The following CNR2 variants were observed in gnomAD, a reference collection of about 807,000 sequenced individuals.
CNR2 encodes cannabinoid receptor 2.
For synonymous variants in CNR2, 172 were observed against 182.2 expected, an observed-to-expected ratio of 0.94 and a Z score of 0.45; for missense variants, 379 against 439.9, an observed-to-expected ratio of 0.86 and a Z score of 1.24.
intron 1 of CNR2, among the ~76,000 whole-genome samples, chr1:23,899,070 G>A (rs1640337996): frequency 6.6e-6 from 1 of 152,136 alleles, no homozygotes; most frequent in African/African-American, 2.4e-5. Flanking sequence ...TGCTAAAAGA[G>A]TAGATTTTAA....
At chr1:23,912,236 AG>A (rs1394148116) in intron 1 of CNR2, among the ~76,000 whole-genome samples, 1 of 152,232 alleles carries the variant, frequency 6.6e-6, no homozygotes, top group African/African-American at 2.4e-5. Flanking sequence ...CGCTGACCCC[AG>A]GGCACACTGG....
intron 1 of CNR2, among the ~76,000 whole-genome samples, chr1:23,881,565 C>T (rs966458594): frequency 2.7e-5 from 4 of 149,644 alleles, no homozygotes. Context: ...GCCTGGGCAA[C>T]AGAGTGAAAC....
chr1:23,891,635 A>AAG lies in CNR2; in HGVS notation c.-45-15974_-45-15973insCT, dbSNP rs1553141355. The stretch of plus-strand genomic sequence containing the variant: ...ACTCCATCTCAAAAAAAAAAAAAAA[A>AAG]AAAGCCCAAATCTTACCTCTTTTTA... On this transcript the variant is annotated intron_variant, in intron 1 of 1. Transcript: ENST00000374472. 1.6e-4 allele frequency among the ~76,000 whole-genome samples: 21 copies of AAG among 130,988 alleles called. 3 individuals are homozygous for AAG. Among genetic ancestry groups the AAG allele is most frequent in the Non-Finnish European group, 1.7e-4 (11 of 63,454 alleles). The allele number at this position is 130,988 out of a possible 152,430, so 85.9% of individuals were successfully genotyped here. A position where few individuals can be genotyped will look rare whatever the true frequency, so the allele number is the denominator to read the frequency against.
At chr1:23,902,148 C>T (rs1557533745) in intron 1 of CNR2, 1 of 1,416,930 alleles carries the variant, frequency 7.1e-7, no homozygotes, top group East Asian at 2.3e-5. Context: ...CTGGCAGCCC[C>T]TGCCTCTTGC....
chr1:23,908,589 G>A (rs6665256), intron 1 of CNR2, among the ~76,000 whole-genome samples: 7,509 of 152,256 alleles, frequency 0.049, 601 homozygotes, highest in African/African-American at 0.17. Flanking sequence ...CTGGTAGAAA[G>A]TAGTGGGAAG....
chr1:23,894,445 AAAGG>A (rs140482048), intron 1 of CNR2, among the ~76,000 whole-genome samples: 10 of 81,474 alleles, frequency 1.2e-4, no homozygotes, highest in African/African-American at 2.0e-4. Flanking sequence ...TTTTTTAATA[AAAGG>A]AAGGAAGGAA....
chr1:23,894,436 T>G (rs2148465987), intron 1 of CNR2, among the ~76,000 whole-genome samples: 1 of 75,830 alleles, frequency 1.3e-5, no homozygotes, highest in Non-Finnish European at 2.7e-5. Flanking sequence ...AAAAAAAATT[T>G]TTTTAATAAA....
Position 23,876,993 on chromosome 1 carries a change from T to C in CNR2, c.-45-1331A>G, listed in dbSNP as rs540823074. 1.2e-3 allele frequency among the ~76,000 whole-genome samples: 183 copies of C among 152,310 alleles called. 2 individuals are homozygous for C. The highest frequency in any genetic ancestry group is 3.9e-3 in the African/African-American group (161 of 41,576). On this transcript the variant is annotated intron_variant, in intron 1 of 1. Transcript: ENST00000374472. ...TAAACATTTATTTGGAGCGATTCACTTTCTAAACAGGTTGTATAGGAATAC... is the reference window on the plus strand; with the variant it reads ...TAAACATTTATTTGGAGCGATTCACCTTCTAAACAGGTTGTATAGGAATAC...
intron 1 of CNR2, among the ~76,000 whole-genome samples, chr1:23,880,678 G>T (rs1442089154): frequency 4.0e-5 from 6 of 151,788 alleles, no homozygotes; most frequent in Admixed American, 3.3e-4. Flanking sequence ...TGATTCTCCT[G>T]CTTCAGCTTC....
intron 1 of CNR2, among the ~76,000 whole-genome samples, chr1:23,894,700 A>G (rs1175214433): frequency 6.6e-6 from 1 of 150,940 alleles, no homozygotes; most frequent in Non-Finnish European, 1.5e-5. Context: ...TGGGAAGCAG[A>G]GGCTGCAGTG....
chr1:23,906,507 C>CTT (rs66559631), intron 1 of CNR2, among the ~76,000 whole-genome samples: 13 of 141,302 alleles, frequency 9.2e-5, no homozygotes, highest in African/African-American at 3.2e-4. Flanking sequence ...TTTTCTCTAA[C>CTT]TTTTTTTTTT....
intron 1 of CNR2, among the ~76,000 whole-genome samples, chr1:23,910,847 A>T (rs1318359752): frequency 6.6e-6 from 1 of 151,774 alleles, no homozygotes; most frequent in Non-Finnish European, 1.5e-5. Context: ...GATGAGGGAG[A>T]CTTGGGTTTC....
At chr1:23,903,066 C>T (rs1640429958) in intron 1 of CNR2, among the ~76,000 whole-genome samples, 1 of 107,430 alleles carries the variant, frequency 9.3e-6, no homozygotes, top group African/African-American at 3.5e-5. Flanking sequence ...AGGCCAGGGG[C>T]AGCACCATTC....
intron 1 of CNR2, among the ~76,000 whole-genome samples, chr1:23,884,077 T>TTTTTTG (rs61098202): frequency 0.72 from 108,026 of 149,138 alleles, 39,935 homozygotes; most frequent in Middle Eastern, 0.79. Flanking sequence ...CTTTATGTCT[T>TTTTTTG]TTTTTGTTTT....
At chr1:23,895,958 T>G (rs1640275226) in intron 1 of CNR2, among the ~76,000 whole-genome samples, 1 of 152,184 alleles carries the variant, frequency 6.6e-6, no homozygotes, top group South Asian at 2.1e-4. Flanking sequence ...CTTTTTGACT[T>G]TTATTTTTCT....
At chr1:23,902,405 G>A in intron 1 of CNR2, 1 of 1,587,564 alleles carries the variant, frequency 6.3e-7, no homozygotes, top group South Asian at 1.1e-5. Flanking sequence ...TCCCCAGAAA[G>A]TTGACGCAGG....
intron 1 of CNR2, among the ~76,000 whole-genome samples, chr1:23,911,992 C>T (rs1292147392): frequency 6.6e-6 from 1 of 152,168 alleles, no homozygotes; most frequent in Non-Finnish European, 1.5e-5. Context: ...ATCCTCATCT[C>T]AGATCCACAG....
rs1160391158 is a variant in CNR2, at chr1:23,874,745, G to T, written c.873C>A (p.Asn291Lys). The change falls in exon 2 of 2, where the codon AAC becomes AAA. Residue 291 changes from asparagine to lysine, a missense_variant. Asn to Lys is a moderately conservative substitution (Grantham distance 94). Coordinates refer to ENST00000374472, the MANE Select transcript of CNR2 (RefSeq NM_001841.3). ...CATAGATGACAGGGTTGACCATGGAGTTGATGAGGCACAGCATGGAGCAGA... is the reference window on the plus strand; with the variant it reads ...CATAGATGACAGGGTTGACCATGGATTTGATGAGGCACAGCATGGAGCAGA... The part of the protein sequence containing the change: ...FAFCSMLCLI[N>K]SMVNPVIYAL... 2 of 1,614,180 alleles carry T rather than the reference G, an allele frequency of 1.2e-6. No individual in the cohort carries two copies. Among genetic ancestry groups the T allele is most frequent in the South Asian group, 2.2e-5 (2 of 91,084 alleles).
rs34781596 is a variant in CNR2, at chr1:23,871,154, C to CAAAAAAAAAAAAAAAAAAAAAAAAAA, written c.*3380_*3381insTTTTTTTTTTTTTTTTTTTTTTTTTT. The CAAAAAAAAAAAAAAAAAAAAAAAAAA allele has an allele frequency of 1.7e-5, 1 of 58,770 alleles. No homozygotes were observed. Among genetic ancestry groups the CAAAAAAAAAAAAAAAAAAAAAAAAAA allele is most frequent in the Non-Finnish European group, 3.0e-5 (1 of 33,496 alleles). The allele number at this position is 58,770 out of a possible 1,614,324, so 3.6% of individuals were successfully genotyped here. A position where few individuals can be genotyped will look rare whatever the true frequency, so the allele number is the denominator to read the frequency against. Reference sequence around the variant, plus strand: ...TGGGTGACAGAGTGAGATTCTATGTCAAAAAAAAAAAAAAAAAAAAAAAAA... The same window carrying CAAAAAAAAAAAAAAAAAAAAAAAAAA: ...TGGGTGACAGAGTGAGATTCTATGTCAAAAAAAAAAAAAAAAAAAAAAAAAAAAAAAAAAAAAAAAAAAAAAAAAAA... On this transcript the variant is annotated 3_prime_UTR_variant, in exon 2 of 2. Coordinates refer to ENST00000374472, the MANE Select transcript of CNR2 (RefSeq NM_001841.3).
Sources: allele counts gnomAD v4.1 joint callset (sites outside exome capture counted in the v4.1 genomes callset), GRCh38; gene constraint gnomAD v4.1.1; transcripts MANE v1.5; gene names NCBI Gene and HGNC (gene_info 2026-07-23, HGNC 2026-07-21).